NEDD4L: variants seen among roughly 807,000 people sequenced by gnomAD.
NEDD4L encodes NEDD4 like E3 ubiquitin protein ligase.
A neutral mutation model predicts 148.9 loss-of-function variants in NEDD4L; 54 were observed. That is an observed-to-expected ratio of 0.36 (90% CI 0.29 to 0.45). The LOEUF (loss-of-function observed/expected upper bound fraction) is 0.45. Among genes scored for constraint, NEDD4L ranks in the 20% least tolerant of loss-of-function variants. The pLI, the probability that NEDD4L is intolerant of heterozygous loss-of-function variation, is 1.00. For missense variants in NEDD4L, 856 were observed against 1,233.8 expected, an observed-to-expected ratio of 0.69 and a Z score of 4.59; for synonymous variants, 433 against 440.7, an observed-to-expected ratio of 0.98 and a Z score of 0.22.
At chr18:58,108,261 G>T (rs114110928) in intron 1 of NEDD4L, among the ~76,000 whole-genome samples, 11 of 152,172 alleles carry the variant, frequency 7.2e-5, no homozygotes, top group Admixed American at 2.6e-4. Context: ...TCACAGTACA[G>T]TTCTTATCAG....
At chr18:58,358,459 A>C (rs187044123) in intron 19 of NEDD4L, among the ~76,000 whole-genome samples, 89 of 152,334 alleles carry the variant, frequency 5.8e-4, no homozygotes, top group African/African-American at 2.1e-3. Flanking sequence ...TCAAGAAACT[A>C]TTCTTTTTAA....
chr18:58,356,902 T>C (rs1263984821), intron 18 of NEDD4L, among the ~76,000 whole-genome samples: 1 of 152,136 alleles, frequency 6.6e-6, no homozygotes, highest in African/African-American at 2.4e-5. Flanking sequence ...AGAACAGGGG[T>C]TTATAATTCC....
At position 58,367,630 on chromosome 18, in the gene NEDD4L, TA is replaced by T. The variant is rs1165088840; in HGVS notation, c.2064-115del. 3.6e-6 allele frequency: 4 copies of T among 1,100,240 alleles called. No homozygotes were observed. The African/African-American group carries it at 4.6e-5, about 13-fold the overall frequency. 68.2% of individuals were successfully genotyped at this position (1,100,240 alleles called of 1,614,324 possible). ...TCCTCTAGCCCACACATTTTCCCAC[TA>T]GGTACAGAATGCTCGCAGGGACACT... On this transcript the variant is annotated intron_variant, in intron 21 of 30. Transcript: ENST00000400345.
intron 23 of NEDD4L, among the ~76,000 whole-genome samples, chr18:58,370,948 C>T (rs534784915): frequency 1.8e-3 from 275 of 152,278 alleles, no homozygotes; most frequent in African/African-American, 6.4e-3. Flanking sequence ...ACACTTGAGA[C>T]GTTCTCCAAG....
intron 12 of NEDD4L, 140 bp from the exon 13 acceptor site, chr18:58,335,338 T>G (rs1016096578): frequency 1.5e-6 from 1 of 656,324 alleles, no homozygotes; most frequent in African/African-American, 1.8e-5. Flanking sequence ...GACTGCTGGC[T>G]TTGTCTGGAT....
At chr18:58,133,333 A>G (rs929292717) in intron 1 of NEDD4L, among the ~76,000 whole-genome samples, 1 of 152,202 alleles carries the variant, frequency 6.6e-6, no homozygotes, top group Admixed American at 6.5e-5. Context: ...CCCAGGGTTT[A>G]TACAGGGCTC....
chr18:58,150,526 G>A (rs1370926788), intron 1 of NEDD4L, among the ~76,000 whole-genome samples: 4 of 152,178 alleles, frequency 2.6e-5, no homozygotes, highest in South Asian at 4.1e-4. Context: ...GCACCCGGCC[G>A]TTTTTTGATA....
intron 2 of NEDD4L, among the ~76,000 whole-genome samples, chr18:58,234,069 C>CTT (rs1424766574): frequency 1.0e-4 from 9 of 88,744 alleles, no homozygotes; most frequent in Admixed American, 7.4e-4. Flanking sequence ...TTCTTTCTTT[C>CTT]TTTCTTTCTT....
At chr18:58,136,783 T>G (rs1457443396) in intron 1 of NEDD4L, among the ~76,000 whole-genome samples, 2 of 152,190 alleles carry the variant, frequency 1.3e-5, no homozygotes, top group Non-Finnish European at 2.9e-5. Flanking sequence ...GGGTACTCTT[T>G]TTTTGTTTCA....
chr18:58,297,560 G>T (rs759824006), intron 5 of NEDD4L, among the ~76,000 whole-genome samples: 1 of 152,128 alleles, frequency 6.6e-6, no homozygotes, highest in Non-Finnish European at 1.5e-5. Flanking sequence ...CCAGCAGTGA[G>T]CATCCAAGCC....
At chr18:58,252,604 A>G in intron 5 of NEDD4L, among the ~76,000 whole-genome samples, 1 of 152,244 alleles carries the variant, frequency 6.6e-6, no homozygotes, top group East Asian at 1.9e-4. Context: ...AGAAACAAAG[A>G]TATGCCTGAG....
chr18:58,229,294 G>C (rs752008154), intron 2 of NEDD4L, among the ~76,000 whole-genome samples: 2 of 152,142 alleles, frequency 1.3e-5, no homozygotes, highest in Admixed American at 6.5e-5. Context: ...GTTAGGACTT[G>C]GGCTCATTTG....
chr18:58,274,033 C>T (rs1455347739), intron 5 of NEDD4L, among the ~76,000 whole-genome samples: 4 of 152,304 alleles, frequency 2.6e-5, no homozygotes, highest in South Asian at 4.1e-4. Flanking sequence ...TTCAAAGGAC[C>T]GGCAGCTTCC....
Position 58,185,184 on chromosome 18 carries a change from G to A in NEDD4L, c.122+19323G>A, listed in dbSNP as rs139764143. Among the ~76,000 whole-genome samples, 489 of 152,246 alleles carry A rather than the reference G, an allele frequency of 3.2e-3. 1 individual carries two copies. The highest frequency in any genetic ancestry group is 0.011 in the African/African-American group (476 of 41,552). ...TTTAGTGCCACAGGAATGACAGGGA[G>A]GTCTTAATTGTGATCGGACCGTGGG... On this transcript the variant is annotated intron_variant, in intron 2 of 30. Transcript: ENST00000400345.
chr18:58,357,368 C>G, intron 19 of NEDD4L, 116 bp downstream of exon 19: 3 of 955,640 alleles, frequency 3.1e-6, no homozygotes, highest in Non-Finnish European at 3.4e-6. Flanking sequence ...GAGTAGTTGA[C>G]TAGAAACAGA....
chr18:58,301,736 G>A (rs2056489355), intron 5 of NEDD4L, among the ~76,000 whole-genome samples: 1 of 152,124 alleles, frequency 6.6e-6, no homozygotes, highest in African/African-American at 2.4e-5. Context: ...TAGAAACATG[G>A]TGCGTATTTC....
chr18:58,362,148 G>C (rs541807877), intron 19 of NEDD4L, among the ~76,000 whole-genome samples: 13 of 152,348 alleles, frequency 8.5e-5, no homozygotes, highest in African/African-American at 2.6e-4. Flanking sequence ...CCCCTGCCAG[G>C]AGACAGAGCA....
chr18:58,119,187 C>G (rs763498696), intron 1 of NEDD4L, among the ~76,000 whole-genome samples: 1 of 152,224 alleles, frequency 6.6e-6, no homozygotes, highest in Non-Finnish European at 1.5e-5. Flanking sequence ...CCCACCTTCC[C>G]TTTGTCCCCA....
intron 9 of NEDD4L, among the ~76,000 whole-genome samples, chr18:58,325,511 A>G (rs9951962): frequency 0.089 from 13,552 of 152,152 alleles, 644 homozygotes; most frequent in African/African-American, 0.11. Context: ...TTCTCTCCCA[A>G]CTGACCCAGA....
Sources: gnomAD v4.1 joint callset for allele counts (sites outside exome capture counted in the v4.1 genomes callset) on GRCh38, gnomAD v4.1.1 for gene constraint, MANE v1.5 for transcripts, NCBI Gene and HGNC (gene_info 2026-07-23, HGNC 2026-07-21) for gene names.